The following RNLS variants were observed in gnomAD, a reference collection of about 807,000 sequenced individuals.
RNLS encodes renalase.
Under a neutral mutation model 39.8 loss-of-function variants are expected in RNLS, and 39 were observed. The ratio of observed to expected loss-of-function variants is 0.98; its 90% CI spans 0.76 to 1.28. RNLS has a LOEUF of 1.28. Ranked by LOEUF, RNLS falls within the 50% of genes most tolerant of loss-of-function variation. RNLS has a pLI of 0.00. For missense variants in RNLS, 410 were observed against 413.3 expected (o/e 0.99, Z 0.07); for synonymous variants, 147 against 150.7 (o/e 0.98, Z 0.18).
At position 88,535,372 on chromosome 10, in the gene RNLS, G is replaced by T. The variant is rs1056435564; in HGVS notation, c.526+37531C>A. On this transcript the variant is annotated intron_variant, in intron 4 of 6. Coordinates refer to ENST00000331772, the MANE Select transcript of RNLS (RefSeq NM_001031709.3). ...AAGGCAGTCTGGGAGTAGTTGTATA[G>T]GTTGGAAACGGGAGAGGGAAGAAGG... is the stretch of plus-strand genomic sequence containing the variant. Among the ~76,000 whole-genome samples, 3 of 151,888 alleles carry T rather than the reference G, an allele frequency of 2.0e-5. No homozygotes were observed. In the East Asian group the frequency reaches 5.8e-4, roughly 29 times the overall value.
intron 4 of RNLS, among the ~76,000 whole-genome samples, chr10:88,461,371 C>G (rs1180666231): frequency 1.3e-5 from 2 of 152,040 alleles, no homozygotes; most frequent in Non-Finnish European, 2.9e-5. Flanking sequence ...CTGAACACCC[C>G]CTTAAAGTCC....
the RNLS span, among the ~76,000 whole-genome samples, chr10:88,229,806 T>C: frequency 6.6e-6 from 1 of 152,222 alleles, no homozygotes; most frequent in African/African-American, 2.4e-5. Context: ...TTTAGCATAC[T>C]CTTTTGAGCT....
chr10:88,257,451 A>G, the RNLS span, among the ~76,000 whole-genome samples: 1 of 152,182 alleles, frequency 6.6e-6, no homozygotes, highest in Non-Finnish European at 1.5e-5. Context: ...AGACCACAAA[A>G]TACCCTCAGA....
intron 5 of RNLS, among the ~76,000 whole-genome samples, chr10:88,353,969 CTTCT>C (rs1418227287): frequency 2.0e-5 from 3 of 152,188 alleles, no homozygotes; most frequent in South Asian, 2.1e-4. Context: ...ATGTAATGGT[CTTCT>C]TTGTCTCTTT....
downstream of RNLS, among the ~76,000 whole-genome samples, chr10:88,269,157 T>G (rs1350893119): frequency 1.3e-5 from 2 of 152,212 alleles, no homozygotes; most frequent in East Asian, 3.9e-4. Context: ...AAAATGCAGG[T>G]GCATCAAATC....
intron 4 of RNLS, among the ~76,000 whole-genome samples, chr10:88,500,331 C>T (rs919965491): frequency 2.6e-5 from 4 of 152,102 alleles, no homozygotes; most frequent in African/African-American, 9.7e-5. Context: ...GAGATTAAGA[C>T]AAAAGATACA....
chr10:88,431,289 A>C (rs1855120971), intron 4 of RNLS, among the ~76,000 whole-genome samples: 1 of 151,660 alleles, frequency 6.6e-6, no homozygotes, highest in South Asian at 2.1e-4. Context: ...TATTGTGTAG[A>C]TATACCAGTA....
intron 6 of RNLS, among the ~76,000 whole-genome samples, chr10:88,299,350 G>A (rs1844334929): frequency 6.6e-6 from 1 of 152,102 alleles, no homozygotes; most frequent in African/African-American, 2.4e-5. Flanking sequence ...TGCCAGGCAT[G>A]GGTGGTTCAC....
chr10:88,186,298 A>G, the RNLS span, among the ~76,000 whole-genome samples: 1 of 152,264 alleles, frequency 6.6e-6, no homozygotes, highest in East Asian at 1.9e-4. Context: ...GTCAGAGTAA[A>G]ATCTGAATAC....
At chr10:88,338,338 AT>A (rs1366464414) in intron 5 of RNLS, among the ~76,000 whole-genome samples, 1 of 152,202 alleles carries the variant, frequency 6.6e-6, no homozygotes, top group African/African-American at 2.4e-5. Flanking sequence ...ACAACGGACT[AT>A]TTTGTAGTTT....
chr10:88,555,949 T>C (rs1003675666), intron 4 of RNLS, among the ~76,000 whole-genome samples: 7 of 152,128 alleles, frequency 4.6e-5, no homozygotes, highest in Admixed American at 2.0e-4. Flanking sequence ...ATTTCTCTAC[T>C]GATGATTTTC....
chr10:88,207,676 C>T, the RNLS span, among the ~76,000 whole-genome samples: 1 of 152,176 alleles, frequency 6.6e-6, no homozygotes, highest in Non-Finnish European at 1.5e-5. Context: ...CATTTCCCAA[C>T]ATGATAGTCA....
chr10:88,356,595 A>G (rs1360681442), intron 5 of RNLS, among the ~76,000 whole-genome samples: 1 of 152,224 alleles, frequency 6.6e-6, no homozygotes, highest in Non-Finnish European at 1.5e-5. Flanking sequence ...CAGCCATTGA[A>G]GGTATTATAT....
At chr10:88,417,878 C>G (rs535885817) in intron 4 of RNLS, among the ~76,000 whole-genome samples, 1 of 152,144 alleles carries the variant, frequency 6.6e-6, no homozygotes, top group African/African-American at 2.4e-5. Flanking sequence ...GATGCAGATA[C>G]GAATACTGTT....
At chr10:88,220,390 C>T in the RNLS span, among the ~76,000 whole-genome samples, 2 of 152,178 alleles carry the variant, frequency 1.3e-5, no homozygotes, top group African/African-American at 4.8e-5. Context: ...ATTCTATGAA[C>T]TTCCCTGGCA....
In RNLS at chr10:88,528,444, A is replaced by G. The variant is rs113000330; in HGVS notation, c.526+44459T>C. Among the ~76,000 whole-genome samples, 344 of 152,294 alleles carry G rather than the reference A, an allele frequency of 2.3e-3. 5 individuals carry two copies. The highest frequency in any genetic ancestry group is 7.9e-3 in the African/African-American group (329 of 41,568). On this transcript the variant is annotated intron_variant, in intron 4 of 6. Coordinates refer to ENST00000331772, the MANE Select transcript of RNLS (RefSeq NM_001031709.3). ...CAAGGGGATAAAGAAAGAAAGCAGG[A>G]AACAGGATACAACATAGGGAAGAGG... is the stretch of plus-strand genomic sequence containing the variant.
chr10:88,481,961 T>C (rs1844205672), intron 4 of RNLS, among the ~76,000 whole-genome samples: 1 of 152,180 alleles, frequency 6.6e-6, no homozygotes, highest in South Asian at 2.1e-4. Context: ...TTAATGAATA[T>C]AGAATTCTTC....
intron 4 of RNLS, among the ~76,000 whole-genome samples, chr10:88,512,231 T>A (rs908762045): frequency 3.3e-5 from 5 of 152,274 alleles, no homozygotes; most frequent in African/African-American, 1.2e-4. Flanking sequence ...AAGATGCGAT[T>A]TAGAGAAAAA....
chr10:88,479,855 A>G (rs1049378390), intron 4 of RNLS, among the ~76,000 whole-genome samples: 4 of 151,264 alleles, frequency 2.6e-5, no homozygotes, highest in Admixed American at 1.3e-4. Flanking sequence ...TCCAGATGCA[A>G]CATATGAATA....
Sources: gnomAD v4.1 joint callset for allele counts (sites outside exome capture counted in the v4.1 genomes callset) on GRCh38, gnomAD v4.1.1 for gene constraint, MANE v1.5 for transcripts, NCBI Gene and HGNC (gene_info 2026-07-23, HGNC 2026-07-21) for gene names.